The following SIPA1L1 variants were observed in gnomAD, a reference collection of about 807,000 sequenced individuals.
SIPA1L1 encodes signal induced proliferation associated 1 like 1, also known as signal-induced proliferation-associated 1-like protein 1.
SIPA1L1 carries 26 observed loss-of-function variants against 162.7 expected under a neutral mutation model. That is an observed-to-expected ratio of 0.16 (90% CI 0.12 to 0.22). The LOEUF is 0.22. Among genes scored for constraint, SIPA1L1 ranks in the 10% least tolerant of loss-of-function variants. The pLI is 1.00. For synonymous variants in SIPA1L1, 829 were observed against 837.4 expected, an observed-to-expected ratio of 0.99 and a Z score of 0.17; for missense variants, 1,874 against 2,241.0, an observed-to-expected ratio of 0.84 and a Z score of 3.31.
At chr14:71,736,849 G>A (rs2085339327) in intron 22 of SIPA1L1, among the ~76,000 whole-genome samples, 1 of 152,242 alleles carries the variant, frequency 6.6e-6, no homozygotes, top group African/African-American at 2.4e-5. Context: ...CTGAACAAAT[G>A]GAAATGGAGG....
intron 2 of SIPA1L1, among the ~76,000 whole-genome samples, chr14:71,455,015 C>T (rs975071143): frequency 1.3e-5 from 2 of 152,166 alleles, no homozygotes; most frequent in Admixed American, 1.3e-4. Flanking sequence ...CAGGGGCTGA[C>T]ACAGAGCCAG....
intron 2 of SIPA1L1, among the ~76,000 whole-genome samples, chr14:71,356,290 A>G (rs1294349165): frequency 6.6e-6 from 1 of 152,112 alleles, no homozygotes; most frequent in Non-Finnish European, 1.5e-5. Flanking sequence ...AAACATAACA[A>G]AGATGATTTG....
chr14:71,374,724 G>A (rs941828867), intron 2 of SIPA1L1, among the ~76,000 whole-genome samples: 14 of 141,630 alleles, frequency 9.9e-5, no homozygotes, highest in Non-Finnish European at 1.5e-4. Flanking sequence ...GTTTCTAGTC[G>A]CATTCACTGC....
chr14:71,740,505 C>T lies in SIPA1L1; in HGVS notation c.*1344C>T, dbSNP rs1031391277. ...ACTGTCACTAAACCGACCCCTCTGC[C>T]CTTTCAGTGGCAACTCTGGTCTAAG... On this transcript the variant is annotated 3_prime_UTR_variant, in exon 24 of 24. Coordinates refer to ENST00000381232, the MANE Select transcript of SIPA1L1 (RefSeq NM_001386936.1). The T allele has an allele frequency of 3.3e-5, 5 of 152,198 alleles. No individual in the cohort carries two copies. The highest frequency in any genetic ancestry group is 1.2e-4 in the African/African-American group (5 of 41,444). 9.4% of individuals were successfully genotyped at this position (152,198 alleles called of 1,614,324 possible).
At chr14:71,690,080 A>G (rs557451482) in intron 13 of SIPA1L1, among the ~76,000 whole-genome samples, 1 of 152,292 alleles carries the variant, frequency 6.6e-6, no homozygotes, top group East Asian at 1.9e-4. Flanking sequence ...TTTGTTTAGA[A>G]TATTAGCTGT....
intron 17 of SIPA1L1, among the ~76,000 whole-genome samples, chr14:71,711,994 C>T (rs966130523): frequency 1.3e-5 from 2 of 152,168 alleles, no homozygotes; most frequent in African/African-American, 4.8e-5. Flanking sequence ...ATAATCAGAG[C>T]TTTAGCAGCC....
Position 71,588,466 on chromosome 14 carries a change from T to C in SIPA1L1, c.594T>C (p.Thr198=). 1 of 1,614,114 alleles carries C rather than the reference T, an allele frequency of 6.2e-7. No homozygotes were observed. Residue 198 remains threonine, a synonymous_variant, in exon 5 of 24, where the codon ACT becomes ACC. Coordinates refer to ENST00000381232, the MANE Select transcript of SIPA1L1 (RefSeq NM_001386936.1). This position sits in a 1 kb window ranked among gnomAD's most constrained non-coding sequence, Gnocchi z 4.3. ...AATGTATCTCACCTACATACAAGAC[T>C]GGACCATCACTGCACAGGGAATATG... The part of the protein sequence containing the change: ...FDECISPTYK[T]GPSLHREYGS...
chr14:71,590,021 T>TAAAAAAAA, intron 5 of SIPA1L1, among the ~76,000 whole-genome samples: 1 of 85,114 alleles, frequency 1.2e-5, no homozygotes, highest in South Asian at 3.5e-4. Context: ...AGTGGGAGAG[T>TAAAAAAAA]AAAAAAAAAA....
intron 3 of SIPA1L1, among the ~76,000 whole-genome samples, chr14:71,522,191 A>G (rs554648708): frequency 6.6e-6 from 1 of 152,318 alleles, no homozygotes; most frequent in Admixed American, 6.5e-5. Context: ...CTTTTGAGAA[A>G]TAAGTCATCA....
intron 2 of SIPA1L1, among the ~76,000 whole-genome samples, chr14:71,341,732 A>G (rs779122282): frequency 3.9e-5 from 6 of 152,026 alleles, no homozygotes; most frequent in Admixed American, 3.9e-4. Context: ...TTAGCTCCCA[A>G]TTATAAGTGA....
intron 21 of SIPA1L1, among the ~76,000 whole-genome samples, chr14:71,734,479 TTTA>T (rs1435059071): frequency 3.3e-5 from 5 of 152,252 alleles, no homozygotes; most frequent in African/African-American, 9.6e-5. Context: ...TTCTAAAATT[TTTA>T]TTATTCTTTA....
intron 3 of SIPA1L1, among the ~76,000 whole-genome samples, chr14:71,514,816 C>G (rs2051545417): frequency 6.6e-6 from 1 of 152,206 alleles, no homozygotes; most frequent in African/African-American, 2.4e-5. Flanking sequence ...ACATATAAAA[C>G]TAACCATCAC....
intron 2 of SIPA1L1, among the ~76,000 whole-genome samples, chr14:71,401,380 A>G (rs2041659763): frequency 6.6e-6 from 1 of 151,824 alleles, no homozygotes; most frequent in African/African-American, 2.4e-5. Flanking sequence ...TTGGATAAAT[A>G]TAAAATAAAA....
intron 2 of SIPA1L1, among the ~76,000 whole-genome samples, chr14:71,358,421 A>G (rs548656253): frequency 1.3e-5 from 2 of 152,302 alleles, no homozygotes; most frequent in Admixed American, 6.5e-5. Flanking sequence ...TTGCTAAAGC[A>G]TTTGCCATTA....
At chr14:71,617,855 T>C (rs2039004661) in intron 5 of SIPA1L1, among the ~76,000 whole-genome samples, 1 of 152,248 alleles carries the variant, frequency 6.6e-6, no homozygotes, top group African/African-American at 2.4e-5. Context: ...ACAAATTATC[T>C]GTTCCAGTTT....
chr14:71,716,316 A>C lies in SIPA1L1; in HGVS notation c.4208+6652A>C, dbSNP rs146544385. 8.5e-5 allele frequency among the ~76,000 whole-genome samples: 13 copies of C among 152,320 alleles called. No homozygotes were observed. The East Asian group carries it at 2.5e-3, about 29-fold the overall frequency. On this transcript the variant is annotated intron_variant, in intron 17 of 23. Transcript: ENST00000381232. Reference sequence around the variant, plus strand: ...GCTTGTTATTTGTACAAGCAATCACAGGAAACCCGATCAGCTCTCCTCTCC... The same window carrying C: ...GCTTGTTATTTGTACAAGCAATCACCGGAAACCCGATCAGCTCTCCTCTCC...
intron 10 of SIPA1L1, among the ~76,000 whole-genome samples, chr14:71,664,088 AAGCCTTTAATGTTGGGGGG>A (rs2043784465): frequency 6.6e-6 from 1 of 152,188 alleles, no homozygotes; most frequent in East Asian, 1.9e-4. Flanking sequence ...ACCTTTCTTC[AAGCCTTTAATGTTGGGGGG>A]AGGCAGGGTA....
chr14:71,691,250 T>C lies in SIPA1L1; in HGVS notation c.3374+5619T>C, dbSNP rs553030209. ...GGCTGTGCCTTTTCATTATAGCCCT[T>C]CCATAGTTCCACACAGCCTTCAGGA... On this transcript the variant is annotated intron_variant, in intron 13 of 23. Coordinates refer to ENST00000381232, the MANE Select transcript of SIPA1L1 (RefSeq NM_001386936.1). Among the ~76,000 whole-genome samples, 9 of 152,260 alleles carry C rather than the reference T, an allele frequency of 5.9e-5. No individual in the cohort carries two copies. In the South Asian group the frequency reaches 1.2e-3, roughly 21 times the overall value.
intron 2 of SIPA1L1, among the ~76,000 whole-genome samples, chr14:71,438,205 G>T (rs1336767101): frequency 6.6e-6 from 1 of 152,168 alleles, no homozygotes; most frequent in Non-Finnish European, 1.5e-5. Context: ...GTTAGAATCA[G>T]CTAGGTATGC....
Sources: gnomAD v4.1 joint callset for allele counts (sites outside exome capture counted in the v4.1 genomes callset) on GRCh38, gnomAD v4.1.1 for gene constraint, Gnocchi (gnomAD v3.1) non-coding constraint, MANE v1.5 for transcripts, NCBI Gene and HGNC (gene_info 2026-07-23, HGNC 2026-07-21) for gene names.